Variants in PAICS observed in about 807,000 individuals in gnomAD.
PAICS encodes phosphoribosylaminoimidazole carboxylase and phosphoribosylaminoimidazolesuccinocarboxamide synthase.
PAICS carries 33 observed loss-of-function variants against 53.7 expected under a neutral mutation model. The observed-to-expected ratio is 0.61, with a 90% CI of 0.47 to 0.82. PAICS has a LOEUF of 0.82. Ranked by LOEUF, PAICS falls within the 40% of genes least tolerant of loss-of-function variation. PAICS has a pLI of 0.00. For missense variants in PAICS, 394 were observed against 494.1 expected (o/e 0.80, Z 1.92); for synonymous variants, 141 against 167.2 (o/e 0.84, Z 1.21).
intron 5 of PAICS, 33 bp from the exon 6 acceptor site, chr4:56,450,586 C>T: frequency 8.6e-7 from 1 of 1,165,022 alleles, no homozygotes; most frequent in Non-Finnish European, 1.3e-6. Flanking sequence ...GCAAGAGATA[C>T]TTGTTTTCTA....
chr4:56,450,515 C>G, intron 5 of PAICS, 104 bp from the exon 6 acceptor site: 1 of 642,636 alleles, frequency 1.6e-6, no homozygotes. Flanking sequence ...AGAAGTATCC[C>G]TTGCTATACA....
the PAICS span, among the ~76,000 whole-genome samples, chr4:56,418,585 C>T: frequency 6.6e-6 from 1 of 152,300 alleles, no homozygotes; most frequent in African/African-American, 2.4e-5. Context: ...CCCCAAAGTA[C>T]TGGGATTACA....
chr4:56,425,335 A>T, the PAICS span: 1 of 320,614 alleles, frequency 3.1e-6, no homozygotes, highest in Non-Finnish European at 4.5e-6. Context: ...TAGTCATATG[A>T]AACACAATAC....
intron 8 of PAICS, among the ~76,000 whole-genome samples, chr4:56,456,660 C>A (rs1719221683): frequency 6.6e-6 from 1 of 150,518 alleles, no homozygotes; most frequent in Non-Finnish European, 1.5e-5. Flanking sequence ...CTTCCCACCT[C>A]AGCCTCCCAA....
upstream of PAICS, chr4:56,436,247 A>G (rs112002138): frequency 4.4e-4 from 683 of 1,558,948 alleles, 2 homozygotes; most frequent in African/African-American, 8.5e-3. Flanking sequence ...CTCTCTGACC[A>G]CCCCTCTTTT....
chr4:56,440,470 A>G (rs574520232), intron 1 of PAICS, among the ~76,000 whole-genome samples: 3 of 152,222 alleles, frequency 2.0e-5, no homozygotes, highest in South Asian at 4.1e-4. Flanking sequence ...GTCTCCTGCC[A>G]TTCTTTAGCT....
the PAICS span, chr4:56,422,858 A>G: frequency 6.6e-6 from 1 of 152,222 alleles, no homozygotes; most frequent in Admixed American, 6.5e-5. Context: ...CAAGTGTAGC[A>G]GCATCAGCAT....
chr4:56,448,973 G>A, intron 5 of PAICS, 150 bp downstream of exon 5: 1 of 595,988 alleles, frequency 1.7e-6, no homozygotes, highest in Non-Finnish European at 3.0e-6. Context: ...AAATGTCTCT[G>A]GTATCCTAAT....
At chr4:56,424,975 G>A in the PAICS span, among the ~76,000 whole-genome samples, 2 of 152,172 alleles carry the variant, frequency 1.3e-5, no homozygotes, top group African/African-American at 4.8e-5. Context: ...CCTATTAGAG[G>A]AGGTCACGCT....
Position 56,461,271 on chromosome 4 carries a change from G to A in PAICS, c.*1733G>A, listed in dbSNP as rs1229284481. On this transcript the variant is annotated 3_prime_UTR_variant, in exon 9 of 9. Transcript: ENST00000512576. ...ATGTGCTATGCTTAGCTATCTGTCA[G>A]AGATTAGTAAATTATAAAACTCATG... The A allele has an allele frequency of 2.0e-5, 3 of 152,206 alleles. No homozygotes were observed. Among genetic ancestry groups the A allele is most frequent in the African/African-American group, 7.2e-5 (3 of 41,450 alleles). 9.4% of individuals were successfully genotyped at this position (152,206 alleles called of 1,614,324 possible). A position where few individuals can be genotyped will look rare whatever the true frequency, so the allele number is the denominator to read the frequency against.
chr4:56,418,834 T>C, the PAICS span, among the ~76,000 whole-genome samples: 8 of 152,304 alleles, frequency 5.3e-5, no homozygotes, highest in Non-Finnish European at 1.0e-4. Flanking sequence ...ATAAAACTGT[T>C]CTAGAGACCT....
chr4:56,450,894 T>G (rs1200319410), intron 6 of PAICS, 192 bp downstream of exon 6: 2 of 462,762 alleles, frequency 4.3e-6, no homozygotes, highest in African/African-American at 4.0e-5. Context: ...CTCAGCTCAC[T>G]GCAAGCTCCG....
intron 1 of PAICS, among the ~76,000 whole-genome samples, chr4:56,437,489 T>G (rs1578144868): frequency 6.6e-6 from 1 of 150,408 alleles, no homozygotes; most frequent in African/African-American, 2.4e-5. Flanking sequence ...GGGTACATTC[T>G]TTTCCACATA....
chr4:56,442,409 A>G (rs1234467461), intron 2 of PAICS, among the ~76,000 whole-genome samples: 1 of 152,190 alleles, frequency 6.6e-6, no homozygotes, highest in African/African-American at 2.4e-5. Flanking sequence ...TGAAGGCTCT[A>G]TTTTCAATAG....
the PAICS span, among the ~76,000 whole-genome samples, chr4:56,417,893 T>G: frequency 6.7e-6 from 1 of 148,884 alleles, no homozygotes; most frequent in Non-Finnish European, 1.5e-5. Flanking sequence ...CAGGCTAGAG[T>G]GCAGTGGTGC....
chr4:56,456,166 A>C (rs1719185343), intron 8 of PAICS, among the ~76,000 whole-genome samples: 1 of 152,084 alleles, frequency 6.6e-6, no homozygotes, highest in South Asian at 2.1e-4. Context: ...ATCTCAGCTT[A>C]CTGCAGCCTC....
intron 3 of PAICS, among the ~76,000 whole-genome samples, chr4:56,447,409 T>C (rs1718677633): frequency 6.6e-6 from 1 of 152,156 alleles, no homozygotes; most frequent in East Asian, 1.9e-4. Flanking sequence ...TATAAAGATA[T>C]TGTCATGTAA....
the PAICS span, chr4:56,423,449 C>A: frequency 6.6e-6 from 1 of 151,962 alleles, no homozygotes; most frequent in South Asian, 2.1e-4. Flanking sequence ...ACAGCAAGAA[C>A]CCATCTCTAA....
chr4:56,435,901 C>A, upstream of PAICS: 1 of 1,487,180 alleles, frequency 6.7e-7, no homozygotes, highest in Non-Finnish European at 9.0e-7. Context: ...CCCTTCCCTG[C>A]ATGCTTCCCC....
Sources: allele counts gnomAD v4.1 joint callset (sites outside exome capture counted in the v4.1 genomes callset), GRCh38; gene constraint gnomAD v4.1.1; transcripts MANE v1.5; gene names NCBI Gene and HGNC (gene_info 2026-07-23, HGNC 2026-07-21).